Variants in PPM1L observed in about 807,000 individuals in gnomAD.
PPM1L encodes the protein protein phosphatase 1L.
PPM1L carries 13 observed loss-of-function variants against 31.4 expected under a neutral mutation model. The observed-to-expected ratio is 0.41, with a 90% CI of 0.27 to 0.66. The LOEUF is 0.66. PPM1L is among the 30% of genes least tolerant of loss of function. The pLI is 0.29. For synonymous variants in PPM1L, 184 were observed against 175.4 expected (o/e 1.05, Z -0.39); for missense variants, 326 against 453.7 (o/e 0.72, Z 2.56).
chr3:160,851,435 A>G (rs779810051), intron 1 of PPM1L, among the ~76,000 whole-genome samples: 2 of 152,164 alleles, frequency 1.3e-5, no homozygotes, highest in African/African-American at 2.4e-5. Flanking sequence ...TTAGGAGTAA[A>G]TTACCGCTGC....
chr3:160,909,312 A>G (rs1713871757), intron 1 of PPM1L, among the ~76,000 whole-genome samples: 1 of 152,298 alleles, frequency 6.6e-6, no homozygotes, highest in East Asian at 1.9e-4. Flanking sequence ...ATAAGACATC[A>G]TAAGTGCTGA....
At chr3:161,039,618 T>G (rs935635820) in intron 2 of PPM1L, among the ~76,000 whole-genome samples, 1 of 151,748 alleles carries the variant, frequency 6.6e-6, no homozygotes, top group Non-Finnish European at 1.5e-5. Flanking sequence ...TGCCTCCCGG[T>G]TTCATGCCAT....
chr3:160,935,097 CA>C (rs1714923616), intron 1 of PPM1L, among the ~76,000 whole-genome samples: 2 of 152,148 alleles, frequency 1.3e-5, no homozygotes, highest in Non-Finnish European at 2.9e-5. Flanking sequence ...AGTCACAAAT[CA>C]TATAACCCTG....
intron 2 of PPM1L, among the ~76,000 whole-genome samples, chr3:160,995,649 A>G (rs866543748): frequency 6.6e-6 from 1 of 152,266 alleles, no homozygotes; most frequent in African/African-American, 2.4e-5. Flanking sequence ...AAGATGGAAG[A>G]GATGATGGCA....
At chr3:161,016,165 C>G (rs528697380) in intron 2 of PPM1L, among the ~76,000 whole-genome samples, 9 of 152,242 alleles carry the variant, frequency 5.9e-5, no homozygotes, top group Non-Finnish European at 1.0e-4. Flanking sequence ...AGAAGCTTTG[C>G]TGATACTGCC....
chr3:160,986,715 T>C (rs1232595848), intron 2 of PPM1L, among the ~76,000 whole-genome samples: 2 of 152,160 alleles, frequency 1.3e-5, no homozygotes, highest in African/African-American at 4.8e-5. Context: ...CCCTTTAGCA[T>C]GGTTGAGCAA....
intron 2 of PPM1L, among the ~76,000 whole-genome samples, chr3:161,006,751 T>C (rs1443428579): frequency 6.6e-6 from 1 of 150,774 alleles, no homozygotes; most frequent in African/African-American, 2.4e-5. Flanking sequence ...GGCGCCATCT[T>C]GGCTTACTGC....
chr3:160,767,446 G>A (rs1475228144), intron 1 of PPM1L, among the ~76,000 whole-genome samples: 4 of 151,926 alleles, frequency 2.6e-5, no homozygotes, highest in African/African-American at 9.7e-5. Flanking sequence ...TGTTACCCAG[G>A]CTGATCTTGA....
chr3:160,802,968 G>A (rs1048531440), intron 1 of PPM1L, among the ~76,000 whole-genome samples: 1 of 152,180 alleles, frequency 6.6e-6, no homozygotes, highest in Admixed American at 6.5e-5. Context: ...AGAGATTGGC[G>A]AAATTCCCTT....
intron 1 of PPM1L, among the ~76,000 whole-genome samples, chr3:160,771,076 T>C (rs577703344): frequency 5.1e-4 from 77 of 152,318 alleles, no homozygotes; most frequent in African/African-American, 1.8e-3. Flanking sequence ...AAAGTTAAAA[T>C]TTATTCCAAA....
At chr3:160,977,289 G>A (rs1431297517) in intron 2 of PPM1L, among the ~76,000 whole-genome samples, 2 of 152,160 alleles carry the variant, frequency 1.3e-5, no homozygotes, top group African/African-American at 4.8e-5. Context: ...GTGCTCTTTA[G>A]TTCTTTAATC....
At chr3:160,876,130 A>G (rs1712501621) in intron 1 of PPM1L, among the ~76,000 whole-genome samples, 1 of 152,194 alleles carries the variant, frequency 6.6e-6, no homozygotes, top group South Asian at 2.1e-4. Context: ...TTTTGTAGGA[A>G]GTGTACAGGT....
chr3:160,870,174 GTAGAAGGC>G (rs1160017619), intron 1 of PPM1L, among the ~76,000 whole-genome samples: 1 of 152,118 alleles, frequency 6.6e-6, no homozygotes, highest in Non-Finnish European at 1.5e-5. Flanking sequence ...AGACATCAAG[GTAGAAGGC>G]TAGAATGCCA....
At chr3:160,785,399 G>A (rs745951799) in intron 1 of PPM1L, among the ~76,000 whole-genome samples, 15 of 152,154 alleles carry the variant, frequency 9.9e-5, no homozygotes, top group Non-Finnish European at 2.1e-4. Flanking sequence ...AATGAAGGAT[G>A]TATTACTTTT....
At chr3:161,065,645 A>C in intron 3 of PPM1L, 81 bp downstream of exon 3, 1 of 1,374,362 alleles carries the variant, frequency 7.3e-7, no homozygotes, top group East Asian at 2.3e-5. Flanking sequence ...TCCTGGATAA[A>C]ATGTCCAGTT....
intron 2 of PPM1L, among the ~76,000 whole-genome samples, chr3:161,030,325 CT>C (rs529883644): frequency 1.3e-5 from 2 of 151,926 alleles, no homozygotes; most frequent in South Asian, 2.1e-4. Flanking sequence ...TCTTCCCCCA[CT>C]TTTTTTTGTT....
In PPM1L at chr3:161,069,150, A is replaced by G; in HGVS notation, c.1076A>G (p.Glu359Gly). The change falls in exon 4 of 4, where the codon GAG becomes GGG. Residue 359 changes from glutamate to glycine, a missense_variant. Glu to Gly is a moderately conservative substitution (Grantham distance 98, BLOSUM62 -2). Coordinates refer to ENST00000498165, the MANE Select transcript of PPM1L (RefSeq NM_139245.4). Reference sequence around the variant, plus strand: ...TTCAGAAATAGCAGCAAAACAGAAGAGCAGTGAACCCTTCAGGGGTCTCAG... The same window carrying G: ...TTCAGAAATAGCAGCAAAACAGAAGGGCAGTGAACCCTTCAGGGGTCTCAG... ...VKFRNSSKTE[E>G]Q 1 of 1,612,464 alleles carries G rather than the reference A, an allele frequency of 6.2e-7. No individual in the cohort carries two copies. The highest frequency in any genetic ancestry group is 8.5e-7 in the Non-Finnish European group (1 of 1,179,182).
chr3:160,964,562 A>G (rs1441413328), intron 2 of PPM1L, among the ~76,000 whole-genome samples: 2 of 152,034 alleles, frequency 1.3e-5, no homozygotes, highest in African/African-American at 4.8e-5. Flanking sequence ...AAATGGACCC[A>G]TGCAGTTAAA....
intron 2 of PPM1L, among the ~76,000 whole-genome samples, chr3:161,005,296 A>T (rs1013402974): frequency 1.2e-4 from 18 of 152,300 alleles, no homozygotes; most frequent in African/African-American, 4.3e-4. Flanking sequence ...CCCAGGAAAT[A>T]TTTCTTGAGT....
Sources: gnomAD v4.1 joint callset for allele counts (sites outside exome capture counted in the v4.1 genomes callset) on GRCh38, gnomAD v4.1.1 for gene constraint, MANE v1.5 for transcripts, NCBI Gene and HGNC (gene_info 2026-07-23, HGNC 2026-07-21) for gene names.